Variants in SSU72 observed in about 807,000 individuals in gnomAD.
The protein encoded by SSU72 is RNA polymerase II subunit A C-terminal domain phosphatase SSU72.
SSU72 carries 12 observed loss-of-function variants against 22.7 expected under a neutral mutation model. The observed-to-expected ratio is 0.53, with a 90% CI of 0.34 to 0.86. The LOEUF (loss-of-function observed/expected upper bound fraction) is 0.86, where lower values mean the gene tolerates loss of function less well. SSU72 is among the 40% of genes least tolerant of loss of function. The pLI, the probability that SSU72 is intolerant of heterozygous loss-of-function variation, is 0.02. For missense variants in SSU72, 151 were observed against 249.8 expected (o/e 0.60, Z 2.67); for synonymous variants, 116 against 98.3 (o/e 1.18, Z -1.06).
chr1:1,543,702 A>ACGGCCTCGGCCACCCCCT (rs1557493871), intron 4 of SSU72, 167 bp downstream of exon 4: 2 of 202,842 alleles, frequency 9.9e-6, no homozygotes, highest in African/African-American at 2.5e-4. Flanking sequence ...GCCACTCCCC[A>ACGGCCTCGGCCACCCCCT]CTGTCACGGC....
intron 2 of SSU72, chr1:1,562,834 G>C (rs955421108): frequency 1.3e-5 from 2 of 152,346 alleles, no homozygotes; most frequent in Non-Finnish European, 2.9e-5. Flanking sequence ...GAAATCCTTA[G>C]AGATTTTTCC....
chr1:1,567,214 C>G (rs934262894), intron 1 of SSU72, among the ~76,000 whole-genome samples: 1 of 152,186 alleles, frequency 6.6e-6, no homozygotes, highest in Non-Finnish European at 1.5e-5. Context: ...CACCCTGCTG[C>G]GCCACCACAC....
chr1:1,557,745 C>T (rs1642538163), intron 2 of SSU72, among the ~76,000 whole-genome samples: 1 of 151,926 alleles, frequency 6.6e-6, no homozygotes, highest in Non-Finnish European at 1.5e-5. Context: ...TTGCAGTGAG[C>T]CGAGATCACG....
At chr1:1,556,078 T>C (rs1240154717) in intron 2 of SSU72, among the ~76,000 whole-genome samples, 1 of 150,866 alleles carries the variant, frequency 6.6e-6, no homozygotes, top group Non-Finnish European at 1.5e-5. Context: ...GGTGGATCAC[T>C]TGAGGCCAGG....
intron 2 of SSU72, chr1:1,545,266 AC>A (rs1254661769): frequency 3.2e-5 from 13 of 411,868 alleles, no homozygotes; most frequent in East Asian, 4.6e-5. Flanking sequence ...CCCGCAGGAC[AC>A]CCCCCGCCCC....
At chr1:1,557,854 G>T (rs926098646) in intron 2 of SSU72, among the ~76,000 whole-genome samples, 3 of 152,102 alleles carry the variant, frequency 2.0e-5, no homozygotes, top group Non-Finnish European at 4.4e-5. Context: ...CAGGGAAGTG[G>T]CCACACACAG....
At chr1:1,550,192 GTA>G (rs1188956150) in intron 2 of SSU72, among the ~76,000 whole-genome samples, 8 of 139,260 alleles carry the variant, frequency 5.7e-5, no homozygotes, top group East Asian at 2.1e-4. Flanking sequence ...AAAAAAAAAA[GTA>G]TATATATATA....
Position 1,574,594 on chromosome 1 carries a change from G to T in SSU72, c.-37C>A. 1 of 1,560,804 alleles carries T rather than the reference G, an allele frequency of 6.4e-7. No homozygotes were observed. Among genetic ancestry groups the T allele is most frequent in the Non-Finnish European group, 8.7e-7 (1 of 1,155,638 alleles). ...CAAATCCCGCGGCTCTCCCGCTTGG[G>T]TTCCCACCCTACCGCGGCGCTTCCG... On this transcript the variant is annotated 5_prime_UTR_variant, in exon 1 of 5. Transcript: ENST00000291386.
intron 2 of SSU72, among the ~76,000 whole-genome samples, chr1:1,550,167 G>A (rs1238641923): frequency 7.3e-6 from 1 of 136,568 alleles, no homozygotes; most frequent in African/African-American, 2.8e-5. Context: ...CAGAGCGAGA[G>A]TGTCTCAAAA....
At chr1:1,544,176 A>G (rs1465593972) in intron 3 of SSU72, among the ~76,000 whole-genome samples, 189 bp from the exon 4 acceptor site, 1 of 152,208 alleles carries the variant, frequency 6.6e-6, no homozygotes, top group Non-Finnish European at 1.5e-5. Context: ...AGGAAACCTG[A>G]GCAAATCTCC....
chr1:1,565,738 G>GGAACCGAGGCCCAAC (rs1311755433), intron 1 of SSU72, among the ~76,000 whole-genome samples: 1 of 152,170 alleles, frequency 6.6e-6, no homozygotes, highest in Non-Finnish European at 1.5e-5. Context: ...TTGTTCCTTG[G>GGAACCGAGGCCCAAC]ACTTCCTAGT....
rs1258163284 is a variant in SSU72, at chr1:1,554,763, G to A, written c.225-9761C>T. On this transcript the variant is annotated intron_variant, in intron 2 of 4. Transcript: ENST00000291386. The surrounding 1 kb of genome is among the most constrained non-coding windows in gnomAD (Gnocchi z 4.1). ...GAAAAAGCCATGTCAGGTGCAGCAC[G>A]CTGGCCACAGGCACTGGAGCCACGA... Among the ~76,000 whole-genome samples, 1 of 152,080 alleles carries A rather than the reference G, an allele frequency of 6.6e-6. No individual in the cohort carries two copies. The highest frequency in any genetic ancestry group is 1.5e-5 in the Non-Finnish European group (1 of 68,002).
chr1:1,560,136 G>C (rs552665427), intron 2 of SSU72, among the ~76,000 whole-genome samples: 1 of 151,992 alleles, frequency 6.6e-6, no homozygotes, highest in Admixed American at 6.5e-5. Context: ...ACAGGTGTGA[G>C]CCACTGCATC....
chr1:1,558,430 A>C (rs1378750772), intron 2 of SSU72, among the ~76,000 whole-genome samples: 1 of 152,184 alleles, frequency 6.6e-6, no homozygotes, highest in Non-Finnish European at 1.5e-5. Flanking sequence ...GGTAATTAGA[A>C]AAAAATCCAC....
In SSU72 at chr1:1,554,851, G is replaced by A. The variant is rs909307109; in HGVS notation, c.225-9849C>T. On this transcript the variant is annotated intron_variant, in intron 2 of 4. Transcript: ENST00000291386. This position sits in a 1 kb window ranked among gnomAD's most constrained non-coding sequence, Gnocchi z 4.1. Reference sequence around the variant, plus strand: ...TCCCTGCTGCCGGCGCCAGCCCCACGTACCCCCGACCACCTCAGCTCCTGG... The same window carrying A: ...TCCCTGCTGCCGGCGCCAGCCCCACATACCCCCGACCACCTCAGCTCCTGG... Among the ~76,000 whole-genome samples, 2 of 152,084 alleles carry A rather than the reference G, an allele frequency of 1.3e-5. No homozygotes were observed. The highest frequency in any genetic ancestry group is 2.9e-5 in the Non-Finnish European group (2 of 68,008).
chr1:1,569,511 G>C (rs887886449), intron 1 of SSU72, among the ~76,000 whole-genome samples: 4 of 152,178 alleles, frequency 2.6e-5, no homozygotes, highest in Non-Finnish European at 5.9e-5. Context: ...TGTTTTTAGA[G>C]ACAGAGACTT....
intron 2 of SSU72, 30 bp downstream of exon 2, chr1:1,564,743 G>A: frequency 6.2e-7 from 1 of 1,614,182 alleles, no homozygotes; most frequent in Non-Finnish European, 8.5e-7. Context: ...ACCACACGGG[G>A]GGTTTTTAAA....
intron 1 of SSU72, among the ~76,000 whole-genome samples, chr1:1,572,903 T>C (rs374362202): frequency 6.7e-6 from 1 of 149,920 alleles, no homozygotes; most frequent in East Asian, 1.9e-4. Context: ...AGCCTTGCAT[T>C]GTTTTGCTTA....
In SSU72 at chr1:1,541,797, G is replaced by C. The variant is rs973286792; in HGVS notation, c.*269C>G. ...AGGCACACGAAGACACAGGTATGTCGGGAAGTGCACACAAACCGTTGTCTT... is the reference window on the plus strand; with the variant it reads ...AGGCACACGAAGACACAGGTATGTCCGGAAGTGCACACAAACCGTTGTCTT... On this transcript the variant is annotated 3_prime_UTR_variant, in exon 5 of 5. Coordinates refer to ENST00000291386, the MANE Select transcript of SSU72 (RefSeq NM_014188.3). 2 of 448,354 alleles carry C rather than the reference G, an allele frequency of 4.5e-6. No homozygotes were observed. Among genetic ancestry groups the C allele is most frequent in the Non-Finnish European group, 8.2e-6 (2 of 242,748 alleles). 27.8% of individuals were successfully genotyped at this position (448,354 alleles called of 1,614,324 possible).
Sources: allele counts gnomAD v4.1 joint callset (sites outside exome capture counted in the v4.1 genomes callset), GRCh38; gene constraint gnomAD v4.1.1; non-coding constraint Gnocchi (gnomAD v3.1); transcripts MANE v1.5; gene names NCBI Gene and HGNC (gene_info 2026-07-23, HGNC 2026-07-21).